Variants in WWP2 observed in about 807,000 individuals in gnomAD.
The protein encoded by WWP2 is NEDD4-like E3 ubiquitin-protein ligase WWP2.
WWP2 carries 57 observed loss-of-function variants against 121.0 expected under a neutral mutation model. The observed-to-expected ratio is 0.47, with a 90% confidence interval of 0.38 to 0.59. The LOEUF (loss-of-function observed/expected upper bound fraction) is 0.59. WWP2 is among the 20% of genes least tolerant of loss of function. WWP2 has a pLI of 0.00. For synonymous variants in WWP2, 449 were observed against 441.3 expected (o/e 1.02, Z -0.22); for missense variants, 962 against 1,158.9 (o/e 0.83, Z 2.47).
chr16:69,925,444 G>A lies in WWP2; in HGVS notation c.1194G>A (p.Ser398=), dbSNP rs770749820. The A allele has an allele frequency of 4.2e-5, 68 of 1,613,786 alleles. No individual in the cohort carries two copies. Among genetic ancestry groups the A allele is most frequent in the African/African-American group, 2.7e-4 (20 of 74,848 alleles). The part of the protein sequence containing the change: ...QRFLYQSSSA[S]TDHDPLGPLP... ...CTTGTGTTTAGTCTTCGAGTGCTTC[G>A]ACTGACCATGATCCCCTGGGCCCCC... The change falls in exon 11 of 24, where the codon TCG becomes TCA. Residue 398 remains serine (S), a synonymous_variant. Transcript: ENST00000359154. This position sits in a 1 kb window ranked among gnomAD's most constrained non-coding sequence, Gnocchi z 4.0.
chr16:69,778,156 C>T (rs1414444042), intron 1 of WWP2, among the ~76,000 whole-genome samples: 1 of 144,844 alleles, frequency 6.9e-6, no homozygotes, highest in East Asian at 2.0e-4. Context: ...TATACATACA[C>T]ACTCATACTA....
At position 69,940,063 on chromosome 16, in the gene WWP2, C is replaced by T; in HGVS notation, c.*123C>T. 1 of 741,396 alleles carries T rather than the reference C, an allele frequency of 1.3e-6. No homozygotes were observed. The highest frequency in any genetic ancestry group is 2.2e-6 in the Non-Finnish European group (1 of 461,856). 45.9% of individuals were successfully genotyped at this position (741,396 alleles called of 1,614,324 possible). A position where few individuals can be genotyped will look rare whatever the true frequency, so the allele number is the denominator to read the frequency against. On this transcript the variant is annotated 3_prime_UTR_variant, in exon 24 of 24. Transcript: ENST00000359154. Reference sequence around the variant, plus strand: ...GGATGTGGCCCTGTGTGGGACCACACTGTCATCTCGCTGCTGGCAGAAAAG... The same window carrying T: ...GGATGTGGCCCTGTGTGGGACCACATTGTCATCTCGCTGCTGGCAGAAAAG...
intron 6 of WWP2, among the ~76,000 whole-genome samples, chr16:69,865,863 C>A (rs2057511482): frequency 6.6e-6 from 1 of 152,180 alleles, no homozygotes. Flanking sequence ...TAGTCAGTGG[C>A]CTCTTATCAG....
At chr16:69,932,995 G>T in intron 16 of WWP2, 1 of 471,902 alleles carries the variant, frequency 2.1e-6, no homozygotes, top group Admixed American at 2.3e-5. Flanking sequence ...TTCTGCGCTG[G>T]CCCCGTGGAT....
chr16:69,878,655 C>T (rs2057774575), intron 7 of WWP2, among the ~76,000 whole-genome samples: 1 of 152,040 alleles, frequency 6.6e-6, no homozygotes, highest in Admixed American at 6.6e-5. Flanking sequence ...AGCCACTGCA[C>T]CCAGCCTGTT....
chr16:69,894,772 A>G (rs547463653), intron 8 of WWP2, among the ~76,000 whole-genome samples: 2 of 152,138 alleles, frequency 1.3e-5, no homozygotes, highest in African/African-American at 2.4e-5. Context: ...CTCATTATCA[A>G]TGAGCCAACT....
intron 6 of WWP2, among the ~76,000 whole-genome samples, chr16:69,851,983 T>TAAAACCAAAAC (rs1555495727): frequency 1.3e-5 from 2 of 150,316 alleles, no homozygotes; most frequent in African/African-American, 4.9e-5. Context: ...AGATTCCAGC[T>TAAAACCAAAAC]AAAACAAAAC....
At chr16:69,796,153 A>G (rs2056038875) in intron 2 of WWP2, among the ~76,000 whole-genome samples, 1 of 152,164 alleles carries the variant, frequency 6.6e-6, no homozygotes, top group Non-Finnish European at 1.5e-5. Context: ...TATGTTAAAA[A>G]ATGTGTTTGT....
intron 6 of WWP2, among the ~76,000 whole-genome samples, chr16:69,853,208 A>C (rs543343443): frequency 1.3e-5 from 2 of 152,334 alleles, no homozygotes; most frequent in Admixed American, 1.3e-4. Flanking sequence ...TTTGAGCAGA[A>C]AAGGATTTAA....
intron 8 of WWP2, among the ~76,000 whole-genome samples, chr16:69,888,690 T>G (rs1217071872): frequency 6.6e-6 from 1 of 152,030 alleles, no homozygotes; most frequent in African/African-American, 2.4e-5. Flanking sequence ...TAACATAAAC[T>G]ACAAGTTTTC....
At chr16:69,883,152 CAA>C (rs111625113) in intron 7 of WWP2, among the ~76,000 whole-genome samples, 3,185 of 120,936 alleles carry the variant, frequency 0.026, 89 homozygotes, top group African/African-American at 0.08. Context: ...GACTCCATCT[CAA>C]AAAAAAAAAA....
chr16:69,896,464 T>C (rs1178436649), intron 8 of WWP2, among the ~76,000 whole-genome samples: 3 of 152,210 alleles, frequency 2.0e-5, no homozygotes, highest in Non-Finnish European at 4.4e-5. Flanking sequence ...AAGAATATTG[T>C]GTCCGTCTTT....
chr16:69,924,510 C>A (rs1044065475), intron 10 of WWP2, among the ~76,000 whole-genome samples: 2 of 152,120 alleles, frequency 1.3e-5, no homozygotes, highest in African/African-American at 4.8e-5. Context: ...CAACACCCCC[C>A]TTCCCCGCAG....
At position 69,940,047 on chromosome 16, in the gene WWP2, C is replaced by A; in HGVS notation, c.*107C>A. 1.1e-6 allele frequency: 1 copy of A among 892,490 alleles called. No individual in the cohort carries two copies. 55.3% of individuals were successfully genotyped at this position (892,490 alleles called of 1,614,324 possible). A position where few individuals can be genotyped will look rare whatever the true frequency, so the allele number is the denominator to read the frequency against. Reference sequence around the variant, plus strand: ...CTTGGGAGGCCCCCGTGGATGTGGCCCTGTGTGGGACCACACTGTCATCTC... The same window carrying A: ...CTTGGGAGGCCCCCGTGGATGTGGCACTGTGTGGGACCACACTGTCATCTC... On this transcript the variant is annotated 3_prime_UTR_variant, in exon 24 of 24. Coordinates refer to ENST00000359154, the MANE Select transcript of WWP2 (RefSeq NM_001270454.2).
Position 69,916,064 on chromosome 16 carries a change from AAAAT to A in WWP2, c.1005-1637_1005-1634del, listed in dbSNP as rs528676793. 1.9e-3 allele frequency among the ~76,000 whole-genome samples: 292 copies of A among 152,278 alleles called. 1 individual carries two copies. The highest frequency in any genetic ancestry group is 0.017 in the Middle Eastern group (5 of 294). On this transcript the variant is annotated intron_variant, in intron 9 of 23. Transcript: ENST00000359154. ...AAAAAAAAAAAAATCTTTGGTAACA[AAAAT>A]AAATAAAAATCACTAGTTTAGACAA... is the stretch of plus-strand genomic sequence containing the variant.
rs761056397 is a variant in WWP2 at position 69,931,554 on chromosome 16, A to T, written c.1567A>T (p.Thr523Ser). 6.2e-7 allele frequency: 1 copy of T among 1,613,654 alleles called. No individual in the cohort carries two copies. Among genetic ancestry groups the T allele is most frequent in the South Asian group, 1.1e-5 (1 of 91,066 alleles). ...CGTGAAGATCAGCGTTTCCAGGCAG[A>T]CGCTTTTCGAAGATTCCTTCCAACA... ...SHVKISVSRQ[T>S]LFEDSFQQIM... is the part of the protein sequence containing the mutation. Residue 523 changes from threonine (T) to serine (S), a missense_variant, in exon 15 of 24, where the codon ACG (threonine) becomes TCG (serine). By Grantham distance (58) the Thr-to-Ser change is moderately conservative (BLOSUM62 1). Around this residue, in one of 3 missense-constraint regions of WWP2, gnomAD observed 606 missense variants for 772.6 expected, o/e 0.78. Transcript: ENST00000359154.
In WWP2 at chr16:69,819,495, T is replaced by G. The variant is rs368206619; in HGVS notation, c.340+20200T>G. Among the ~76,000 whole-genome samples, 213 of 152,278 alleles carry G rather than the reference T, an allele frequency of 1.4e-3. 8 individuals carry two copies. In the South Asian group the frequency reaches 0.042, roughly 30 times the overall value. Reference sequence around the variant, plus strand: ...TGACCCTTGGCACTGGCCTTAAATCTCTCCTGAAACTGACCCCTTCCAGTC... The same window carrying G: ...TGACCCTTGGCACTGGCCTTAAATCGCTCCTGAAACTGACCCCTTCCAGTC... On this transcript the variant is annotated intron_variant, in intron 4 of 23. Coordinates refer to ENST00000359154, the MANE Select transcript of WWP2 (RefSeq NM_001270454.2).
In WWP2 at chr16:69,823,563, G is replaced by T. The variant is rs1055187361; in HGVS notation, c.341-16563G>T. The stretch of plus-strand genomic sequence containing the variant: ...TGTTCACTGCAGCCTGTGCTCCTGG[G>T]TTCAAGCGATTCTCCTGCCTCAGCC... On this transcript the variant is annotated intron_variant, in intron 4 of 23. Coordinates refer to ENST00000359154, the MANE Select transcript of WWP2 (RefSeq NM_001270454.2). Among the ~76,000 whole-genome samples the T allele has an allele frequency of 1.1e-4, 17 of 151,964 alleles. 2 individuals carry two copies. The highest frequency in any genetic ancestry group is 3.9e-4 in the East Asian group (2 of 5,176).
chr16:69,840,000 G>C (rs978782597), intron 4 of WWP2, 126 bp from the exon 5 acceptor site: 40 of 1,361,776 alleles, frequency 2.9e-5, no homozygotes, highest in South Asian at 1.4e-5. Context: ...GAGGCAAAAT[G>C]TGAAGATGTG....
Sources: gnomAD v4.1 joint callset for allele counts (sites outside exome capture counted in the v4.1 genomes callset) on GRCh38, gnomAD v4.1.1 for gene constraint, gnomAD v4.1.1 regional missense constraint, Gnocchi (gnomAD v3.1) non-coding constraint, MANE v1.5 for transcripts, NCBI Gene and HGNC (gene_info 2026-07-23, HGNC 2026-07-21) for gene names.